LIN28B: variants seen among roughly 807,000 people sequenced by gnomAD.
LIN28B encodes the protein lin-28 RNA binding posttranscriptional regulator B, also known as protein lin-28 homolog B.
A neutral mutation model predicts 21.9 loss-of-function variants in LIN28B; 5 were observed. That is an observed-to-expected ratio of 0.23 (90% CI 0.12 to 0.48). LIN28B has a LOEUF of 0.48. LIN28B is among the 20% of genes least tolerant of loss of function. LIN28B has a pLI of 0.98. For missense variants in LIN28B, 245 were observed against 310.5 expected (o/e 0.79, Z 1.58); for synonymous variants, 109 against 111.3 (o/e 0.98, Z 0.13).
At chr6:104,943,278 A>T (rs1364924750) in intron 2 of LIN28B, among the ~76,000 whole-genome samples, 1 of 152,146 alleles carries the variant, frequency 6.6e-6, no homozygotes, top group Non-Finnish European at 1.5e-5. Flanking sequence ...AAGTTTGATA[A>T]TGCTTGGTAT....
intron 3 of LIN28B, among the ~76,000 whole-genome samples, chr6:105,048,684 C>G (rs984043846): frequency 6.6e-6 from 1 of 152,180 alleles, no homozygotes; most frequent in South Asian, 2.1e-4. Flanking sequence ...ATTATTGCCT[C>G]AATCTCAGAT....
chr6:105,068,903 A>G (rs1215167658), intron 3 of LIN28B, among the ~76,000 whole-genome samples: 1 of 152,200 alleles, frequency 6.6e-6, no homozygotes, highest in East Asian at 1.9e-4. Flanking sequence ...TATACTGACA[A>G]GAAAGTAATT....
chr6:104,946,949 A>G (rs1778163250), intron 2 of LIN28B, among the ~76,000 whole-genome samples: 1 of 152,198 alleles, frequency 6.6e-6, no homozygotes, highest in African/African-American at 2.4e-5. Flanking sequence ...ATTATGGTGA[A>G]TACTATTCCT....
intron 2 of LIN28B, among the ~76,000 whole-genome samples, chr6:104,983,309 G>A (rs75894113): frequency 0.046 from 7,000 of 152,302 alleles, 201 homozygotes; most frequent in South Asian, 0.078. Context: ...GGTGGTAGTG[G>A]TGATGGTGTA....
intron 2 of LIN28B, among the ~76,000 whole-genome samples, chr6:104,966,647 A>C (rs948133602): frequency 7.1e-5 from 10 of 140,424 alleles, no homozygotes; most frequent in Non-Finnish European, 1.4e-4. Context: ...TTTGAGACAG[A>C]GTCTCGCTAC....
Position 104,957,159 on chromosome 6 carries a change from A to C in LIN28B, c.-92A>C. ...GCGAGCTAAATTTGTGATCGCACAA[A>C]ATCAAGATGTTAGATTGATGCAGAA... is the stretch of plus-strand genomic sequence containing the variant. On this transcript the variant is annotated 5_prime_UTR_variant, in exon 1 of 4. Transcript: ENST00000345080. 6.2e-7 allele frequency: 1 copy of C among 1,612,686 alleles called. No homozygotes were observed. Among genetic ancestry groups the C allele is most frequent in the Non-Finnish European group, 8.5e-7 (1 of 1,179,284 alleles).
At chr6:105,032,155 T>C (rs1025646256) in intron 3 of LIN28B, among the ~76,000 whole-genome samples, 8 of 152,198 alleles carry the variant, frequency 5.3e-5, no homozygotes, top group African/African-American at 1.7e-4. Context: ...GCTATAACAC[T>C]GTTTACTTAT....
intron 2 of LIN28B, among the ~76,000 whole-genome samples, chr6:105,005,060 TA>T (rs1562089534): frequency 1.3e-5 from 2 of 152,220 alleles, no homozygotes; most frequent in African/African-American, 4.8e-5. Context: ...GGCAAACTTT[TA>T]AAGACTCCAT....
chr6:104,969,619 T>A (rs992832660), intron 2 of LIN28B, among the ~76,000 whole-genome samples: 1 of 152,196 alleles, frequency 6.6e-6, no homozygotes, highest in African/African-American at 2.4e-5. Context: ...GTATATACTT[T>A]AAATACATGT....
At chr6:105,014,717 G>A (rs920776335) in intron 2 of LIN28B, among the ~76,000 whole-genome samples, 1 of 152,130 alleles carries the variant, frequency 6.6e-6, no homozygotes, top group African/African-American at 2.4e-5. Context: ...GCTTCCCAGA[G>A]TGTTGGATTA....
Position 105,080,977 on chromosome 6 carries a change from G to A in LIN28B, c.*2194G>A, listed in dbSNP as rs937469584. The A allele has an allele frequency of 2.6e-5, 4 of 152,538 alleles. No individual in the cohort carries two copies. Among genetic ancestry groups the A allele is most frequent in the South Asian group, 2.1e-4 (1 of 4,826 alleles). 9.4% of individuals were successfully genotyped at this position (152,538 alleles called of 1,614,324 possible). ...AAAATAGAAACACTTGAGAACTATG[G>A]TCTTTATGGGTGCAATTTGAAATCC... On this transcript the variant is annotated 3_prime_UTR_variant, in exon 4 of 4. Coordinates refer to ENST00000345080, the MANE Select transcript of LIN28B (RefSeq NM_001004317.4).
chr6:105,040,429 A>G (rs533046785), intron 3 of LIN28B, among the ~76,000 whole-genome samples: 96 of 152,180 alleles, frequency 6.3e-4, no homozygotes, highest in African/African-American at 2.3e-3. Flanking sequence ...CTCTCAAGTG[A>G]TAAATAATAG....
rs59977710 is a variant in LIN28B, at chr6:104,947,770, C to CT, written c.19-2674dup. ...ATGGTTTAACAAAACATTTTGCGTACTTTTTTTTTTTTTTTTTATAAAAGC... is the reference window on the plus strand; with the variant it reads ...ATGGTTTAACAAAACATTTTGCGTACTTTTTTTTTTTTTTTTTTATAAAAGC... On this transcript the variant is annotated intron_variant, in intron 2 of 5. Coordinates refer to the LIN28B transcript ENST00000635857. Among the ~76,000 whole-genome samples the CT allele has an allele frequency of 9.0e-3, 1,223 of 135,168 alleles. 11 individuals carry two copies. Among genetic ancestry groups the CT allele is most frequent in the African/African-American group, 0.026 (986 of 37,384 alleles). The allele number at this position is 135,168 out of a possible 152,430, so 88.7% of individuals were successfully genotyped here.
At chr6:104,969,361 A>G (rs1427070819) in intron 2 of LIN28B, among the ~76,000 whole-genome samples, 1 of 152,164 alleles carries the variant, frequency 6.6e-6, no homozygotes, top group East Asian at 1.9e-4. Context: ...AAGCCACAGA[A>G]GCCAGGGTCA....
chr6:105,049,405 G>A (rs1771844429), intron 3 of LIN28B, among the ~76,000 whole-genome samples: 1 of 152,190 alleles, frequency 6.6e-6, no homozygotes, highest in African/African-American at 2.4e-5. Flanking sequence ...ATTTGCTGAG[G>A]AGTGCTTTAC....
At chr6:105,007,188 T>C (rs892977258) in intron 2 of LIN28B, among the ~76,000 whole-genome samples, 1 of 152,236 alleles carries the variant, frequency 6.6e-6, no homozygotes, top group Non-Finnish European at 1.5e-5. Flanking sequence ...ATGAAAACAT[T>C]TGGGAGCTAT....
In LIN28B at chr6:105,048,832, A is replaced by G. The variant is rs1317953361; in HGVS notation, c.383+22350A>G. 3.3e-5 allele frequency among the ~76,000 whole-genome samples: 5 copies of G among 152,098 alleles called. 1 individual carries two copies. Among genetic ancestry groups the G allele is most frequent in the African/African-American group, 1.2e-4 (5 of 41,426 alleles). On this transcript the variant is annotated intron_variant, in intron 3 of 3. Coordinates refer to ENST00000345080, the MANE Select transcript of LIN28B (RefSeq NM_001004317.4). ...GGTGTTTATAGTCTTCTCTGATGGT[A>G]GTTTGTATTTCTGTGGGATTGGTGG...
chr6:105,063,589 T>C (rs1474864174), intron 3 of LIN28B, among the ~76,000 whole-genome samples: 1 of 138,828 alleles, frequency 7.2e-6, no homozygotes. Context: ...TGAGCCGAGA[T>C]TGCGCCACTG....
chr6:105,016,901 CA>C (rs1446510952), intron 2 of LIN28B, among the ~76,000 whole-genome samples: 1 of 148,910 alleles, frequency 6.7e-6, no homozygotes, highest in Non-Finnish European at 1.5e-5. Flanking sequence ...TAATGAAAAT[CA>C]AAACAAAAAA....
Sources: gnomAD v4.1 joint callset for allele counts (sites outside exome capture counted in the v4.1 genomes callset) on GRCh38, gnomAD v4.1.1 for gene constraint, MANE v1.5 for transcripts, NCBI Gene and HGNC (gene_info 2026-07-23, HGNC 2026-07-21) for gene names.